Variants in CEP57 observed in about 807,000 individuals in gnomAD.
CEP57 encodes centrosomal protein 57.
CEP57 carries 40 observed loss-of-function variants against 68.0 expected under a neutral mutation model. The observed-to-expected ratio is 0.59, with a 90% CI of 0.46 to 0.77. The LOEUF (loss-of-function observed/expected upper bound fraction) is 0.77. Among genes scored for constraint, CEP57 ranks in the 30% least tolerant of loss-of-function variants. The probability of loss-of-function intolerance (pLI) is 0.00; values close to 1 mark genes in which losing one functional copy is unlikely to be tolerated. For missense variants in CEP57, 606 were observed against 580.7 expected, an observed-to-expected ratio of 1.04 and a Z score of -0.45; for synonymous variants, 219 against 198.7, an observed-to-expected ratio of 1.10 and a Z score of -0.86.
In CEP57 at chr11:95,829,191, C is replaced by G. The variant is rs752574579; in HGVS notation, c.1132C>G (p.His378Asp). ...QDEFGQMSFDHQQLAKLIQES... is the reference protein window; with the variant it reads ...QDEFGQMSFDDQQLAKLIQES... ...CTACTTCTGCTTTGTATATAGTGAT[C>G]ACCAGCAGCTTGCAAAACTTATCCA... Residue 378 changes from histidine to aspartate, a missense_variant, in exon 10 of 11, where the codon CAC becomes GAC. His to Asp is a moderately conservative substitution (Grantham distance 81, BLOSUM62 -1). Transcript: ENST00000325542. The G allele has an allele frequency of 3.1e-6, 5 of 1,613,614 alleles. No individual in the cohort carries two copies. The Admixed American group carries it at 6.7e-5, about 22-fold the overall frequency.
intron 1 of CEP57, among the ~76,000 whole-genome samples, chr11:95,792,946 CTA>C (rs992453253): frequency 6.6e-6 from 1 of 151,534 alleles, no homozygotes; most frequent in African/African-American, 2.4e-5. Context: ...CTTGTTAAAA[CTA>C]TACCATGAAC....
intron 2 of CEP57, among the ~76,000 whole-genome samples, chr11:95,804,073 A>G (rs1861692533): frequency 6.6e-6 from 1 of 152,224 alleles, no homozygotes; most frequent in African/African-American, 2.4e-5. Flanking sequence ...ATAATGAAAA[A>G]TATGAAATTT....
intron 2 of CEP57, among the ~76,000 whole-genome samples, chr11:95,804,830 A>G (rs575372131): frequency 6.6e-6 from 1 of 152,356 alleles, no homozygotes; most frequent in South Asian, 2.1e-4. Context: ...TAAAATGTTT[A>G]TAATTACTAC....
intron 1 of CEP57, among the ~76,000 whole-genome samples, chr11:95,791,204 T>A (rs1008401685): frequency 7.2e-5 from 11 of 152,194 alleles, no homozygotes; most frequent in African/African-American, 2.4e-4. Flanking sequence ...TTATGCTGTT[T>A]CCTATCCCTG....
chr11:95,815,195 A>G (rs623191), intron 4 of CEP57: 42,239 of 152,148 alleles, frequency 0.28, 7,047 homozygotes, highest in Non-Finnish European at 0.38. Flanking sequence ...GTCAGCTTTC[A>G]GTTCTCATTG....
chr11:95,818,630 C>T (rs1051018997), intron 5 of CEP57, among the ~76,000 whole-genome samples, 197 bp from the exon 6 acceptor site: 22 of 152,086 alleles, frequency 1.4e-4, no homozygotes, highest in African/African-American at 5.1e-4. Flanking sequence ...TGTCCAGCTA[C>T]CTCACAGATG....
intron 2 of CEP57, among the ~76,000 whole-genome samples, chr11:95,800,287 T>C (rs1007353082): frequency 2.0e-5 from 3 of 152,242 alleles, no homozygotes; most frequent in African/African-American, 7.2e-5. Context: ...TTGCAGACTT[T>C]TACTTGAGGA....
chr11:95,806,393 C>T (rs1331832528), intron 2 of CEP57, among the ~76,000 whole-genome samples: 1 of 152,060 alleles, frequency 6.6e-6, no homozygotes, highest in Non-Finnish European at 1.5e-5. Flanking sequence ...TGAGTGCAGT[C>T]CATGGAGTAT....
intron 8 of CEP57, among the ~76,000 whole-genome samples, chr11:95,823,973 C>T (rs1240792135): frequency 6.8e-6 from 1 of 146,890 alleles, no homozygotes; most frequent in African/African-American, 2.5e-5. Flanking sequence ...CATGACATGA[C>T]AAGAAAAAGT....
chr11:95,811,893 A>G (rs1245113788), intron 2 of CEP57, among the ~76,000 whole-genome samples: 2 of 152,162 alleles, frequency 1.3e-5, no homozygotes, highest in Non-Finnish European at 2.9e-5. Context: ...TTTAAGACTG[A>G]TTGCCTGAGG....
rs1862828082 is a variant in CEP57, at chr11:95,828,047, T to C, written c.1127+20T>C. ...GAGCTTGTGAGTTTTTGTTTTTTTTTTTAAATTCAGTTTAGCTCTAAAACC... is the reference window on the plus strand; with the variant it reads ...GAGCTTGTGAGTTTTTGTTTTTTTTCTTAAATTCAGTTTAGCTCTAAAACC... On this transcript the variant is annotated intron_variant, in intron 9 of 10. Coordinates refer to ENST00000325542, the MANE Select transcript of CEP57 (RefSeq NM_014679.5). The C allele has an allele frequency of 6.2e-7, 1 of 1,607,124 alleles. No individual in the cohort carries two copies.
chr11:95,791,847 A>G (rs1053925470), intron 1 of CEP57, among the ~76,000 whole-genome samples: 1 of 152,218 alleles, frequency 6.6e-6, no homozygotes, highest in African/African-American at 2.4e-5. Context: ...AACTTGAGAT[A>G]GTTCGGAATG....
intron 2 of CEP57, among the ~76,000 whole-genome samples, chr11:95,807,170 G>A (rs541775853): frequency 6.6e-6 from 1 of 152,202 alleles, no homozygotes; most frequent in African/African-American, 2.4e-5. Context: ...CTGTTAGAAG[G>A]AAAACTAACA....
In CEP57 at chr11:95,799,231, G is replaced by C; in HGVS notation, c.46-1G>C. On this transcript the variant is annotated splice_acceptor_variant, in intron 1 of 10. Transcript: ENST00000325542. LOFTEE classifies it high-confidence loss of function. ...AGGTAATTTGTGTCTTTATTTTTTA[G>C]AACAGCTTTGCTGAGCCATCAAGGT... is the stretch of plus-strand genomic sequence containing the variant. 6.2e-7 allele frequency: 1 copy of C among 1,613,820 alleles called. No individual in the cohort carries two copies. Among genetic ancestry groups the C allele is most frequent in the Non-Finnish European group, 8.5e-7 (1 of 1,179,938 alleles).
At position 95,817,822 on chromosome 11, in the gene CEP57, A is replaced by C; in HGVS notation, c.540A>C (p.Thr180=). 1 of 1,613,882 alleles carries C rather than the reference A, an allele frequency of 6.2e-7. No homozygotes were observed. The change falls in exon 5 of 11, where the codon ACA becomes ACC. Residue 180 remains threonine (T), a synonymous_variant. Transcript: ENST00000325542. Reference sequence around the variant, plus strand: ...AAAGAGAACGACAACATGATCAAACACATGTTCAGAGCCAACTTGAAAAAT... The same window carrying C: ...AAAGAGAACGACAACATGATCAAACCCATGTTCAGAGCCAACTTGAAAAAT... ...SLERERQHDQ[T]HVQSQLEKLD... is the part of the protein sequence containing the mutation.
intron 1 of CEP57, among the ~76,000 whole-genome samples, chr11:95,797,171 A>AACAC (rs139300001): frequency 8.0e-5 from 2 of 24,884 alleles, no homozygotes; most frequent in African/African-American, 1.7e-4. Flanking sequence ...CCCCCCTCCC[A>AACAC]ACACACACAC....
rs1232937619 is a variant in CEP57 at position 95,828,332 on chromosome 11, TA to T, written c.1127+306del. 5.4e-4 allele frequency among the ~76,000 whole-genome samples: 82 copies of T among 152,212 alleles called. 1 individual carries two copies. The highest frequency in any genetic ancestry group is 1.9e-3 in the African/African-American group (78 of 41,464). ...AGATGTGCTCTGAGAAATACATCAT[TA>T]GGCGATTTTCTTTTCCTTGTGCTAA... On this transcript the variant is annotated intron_variant, in intron 9 of 10. Transcript: ENST00000325542.
upstream of CEP57, chr11:95,790,489 C>T (rs770668893): frequency 8.3e-6 from 5 of 605,516 alleles, no homozygotes; most frequent in Admixed American, 8.8e-5. Context: ...TCCGTTAGGA[C>T]GTGTTGCCCT....
chr11:95,820,022 C>T (rs961830840), intron 6 of CEP57, among the ~76,000 whole-genome samples: 1 of 152,124 alleles, frequency 6.6e-6, no homozygotes, highest in African/African-American at 2.4e-5. Flanking sequence ...ACTGTGTTTC[C>T]ATTTCCATAC....
Sources: allele counts gnomAD v4.1 joint callset (sites outside exome capture counted in the v4.1 genomes callset), GRCh38; gene constraint gnomAD v4.1.1; transcripts MANE v1.5; gene names NCBI Gene and HGNC (gene_info 2026-07-23, HGNC 2026-07-21).